The following PDSS2 variants were observed in gnomAD, a reference collection of about 807,000 sequenced individuals.
PDSS2 encodes decaprenyl diphosphate synthase subunit 2.
In PDSS2, 31 loss-of-function variants were observed where a neutral mutation model predicts 44.5. The ratio of observed to expected loss-of-function variants is 0.70; its 90% CI spans 0.52 to 0.94. The LOEUF (loss-of-function observed/expected upper bound fraction) is 0.94. Ranked by LOEUF, PDSS2 falls within the 40% of genes least tolerant of loss-of-function variation. The pLI, the probability that PDSS2 is intolerant of heterozygous loss-of-function variation, is 0.00. For missense variants in PDSS2, 452 were observed against 482.2 expected (o/e 0.94, Z 0.59); for synonymous variants, 157 against 180.3 (o/e 0.87, Z 1.03).
intron 7 of PDSS2, among the ~76,000 whole-genome samples, chr6:107,170,433 G>A (rs1582730277): frequency 1.3e-5 from 2 of 152,284 alleles, no homozygotes; most frequent in African/African-American, 4.8e-5. Flanking sequence ...CCTGGGTGAG[G>A]CAATGCCGCA....
chr6:107,243,512 T>C (rs1774510796), intron 4 of PDSS2, among the ~76,000 whole-genome samples: 1 of 152,194 alleles, frequency 6.6e-6, no homozygotes, highest in Admixed American at 6.5e-5. Flanking sequence ...CATGTAAAAA[T>C]TAACATATTT....
chr6:107,256,509 G>GT (rs1775027307), intron 3 of PDSS2, among the ~76,000 whole-genome samples: 3 of 152,098 alleles, frequency 2.0e-5, no homozygotes, highest in Non-Finnish European at 4.4e-5. Context: ...GTAATTCAGA[G>GT]ACATCCCAAG....
intron 2 of PDSS2, among the ~76,000 whole-genome samples, chr6:107,282,159 G>A (rs1775983675): frequency 6.6e-6 from 1 of 152,148 alleles, no homozygotes; most frequent in South Asian, 2.1e-4. Flanking sequence ...ACCCGCCTTG[G>A]CCTCCTAAAG....
At position 107,445,136 on chromosome 6, in the gene PDSS2, C is replaced by T. The variant is rs9486620; in HGVS notation, c.296+13854G>A. Among the ~76,000 whole-genome samples, 600 of 151,620 alleles carry T rather than the reference C, an allele frequency of 4.0e-3. 8 individuals carry two copies. Among genetic ancestry groups the T allele is most frequent in the African/African-American group, 0.014 (569 of 41,350 alleles). On this transcript the variant is annotated intron_variant, in intron 1 of 7. Transcript: ENST00000369037. The stretch of plus-strand genomic sequence containing the variant: ...AGTACTTAAATTTTAGTGATTTATA[C>T]AGAAATTTAAGTAACGAAAATTTAT...
intron 4 of PDSS2, among the ~76,000 whole-genome samples, chr6:107,219,283 G>A (rs1055556018): frequency 2.0e-5 from 3 of 151,868 alleles, no homozygotes; most frequent in Non-Finnish European, 2.9e-5. Context: ...TCACACTTGC[G>A]TGAATTTATT....
chr6:107,354,414 C>T (rs2448080), intron 1 of PDSS2, among the ~76,000 whole-genome samples: 146,614 of 152,340 alleles, frequency 0.96, 70,795 homozygotes, highest in East Asian at 1. Flanking sequence ...GGCAAAATTG[C>T]TGTTTAAAAA....
At chr6:107,157,470 G>A (rs1403508325) in intron 7 of PDSS2, among the ~76,000 whole-genome samples, 4 of 151,764 alleles carry the variant, frequency 2.6e-5, no homozygotes, top group Admixed American at 6.6e-5. Flanking sequence ...TTAATTATAG[G>A]GGAACCAACT....
At chr6:107,170,733 C>T (rs1197584898) in intron 7 of PDSS2, among the ~76,000 whole-genome samples, 1 of 152,050 alleles carries the variant, frequency 6.6e-6, no homozygotes, top group African/African-American at 2.4e-5. Context: ...TTGCCTCAGC[C>T]TCCTGGGTAG....
chr6:107,333,065 T>C (rs987082316), intron 2 of PDSS2, among the ~76,000 whole-genome samples: 1 of 152,212 alleles, frequency 6.6e-6, no homozygotes, highest in Non-Finnish European at 1.5e-5. Flanking sequence ...AAAACATTTA[T>C]GGACAAGACC....
At chr6:107,266,853 G>C (rs996353584) in intron 3 of PDSS2, among the ~76,000 whole-genome samples, 6 of 152,130 alleles carry the variant, frequency 3.9e-5, no homozygotes, top group Non-Finnish European at 7.3e-5. Context: ...GATTTCACAG[G>C]CTGTGAATCT....
At chr6:107,455,290 C>T (rs1184897087) in intron 1 of PDSS2, among the ~76,000 whole-genome samples, 1 of 150,170 alleles carries the variant, frequency 6.7e-6, no homozygotes, top group African/African-American at 2.5e-5. Context: ...ACTAAGTAGA[C>T]GAACTACGGT....
chr6:107,213,002 C>T (rs1773279010), intron 4 of PDSS2, among the ~76,000 whole-genome samples: 1 of 151,932 alleles, frequency 6.6e-6, no homozygotes, highest in East Asian at 2.0e-4. Flanking sequence ...AAGACCCTGT[C>T]TCTTTCTCTC....
At position 107,153,734 on chromosome 6, in the gene PDSS2, A is replaced by G. The variant is rs939379311; in HGVS notation, c.*885T>C. ...TTTTCGGCAATTTCTCCAAAAAGAC[A>G]TTATAAAAACCATAAAGCACAAAGT... On this transcript the variant is annotated 3_prime_UTR_variant, in exon 8 of 8. Transcript: ENST00000369037. The G allele has an allele frequency of 7.2e-5, 11 of 152,790 alleles. No individual in the cohort carries two copies. Among genetic ancestry groups the G allele is most frequent in the African/African-American group, 2.6e-4 (11 of 41,592 alleles). The allele number at this position is 152,790 out of a possible 1,614,324, so 9.5% of individuals were successfully genotyped here. A position where few individuals can be genotyped will look rare whatever the true frequency, so the allele number is the denominator to read the frequency against.
At chr6:107,181,965 A>G (rs2114460569) in intron 7 of PDSS2, among the ~76,000 whole-genome samples, 1 of 152,246 alleles carries the variant, frequency 6.6e-6, no homozygotes, top group South Asian at 2.1e-4. Flanking sequence ...GATGCTTATC[A>G]TTAAAATCAT....
intron 2 of PDSS2, among the ~76,000 whole-genome samples, chr6:107,332,564 A>G (rs1777746825): frequency 6.6e-6 from 1 of 152,142 alleles, no homozygotes; most frequent in Admixed American, 6.5e-5. Flanking sequence ...CTGATCTATA[A>G]CTGAAATACA....
intron 1 of PDSS2, among the ~76,000 whole-genome samples, chr6:107,451,286 T>C (rs568883577): frequency 6.6e-6 from 1 of 152,316 alleles, no homozygotes; most frequent in East Asian, 1.9e-4. Context: ...AATTGGTACA[T>C]AGTAGTATCC....
At position 107,258,373 on chromosome 6, in the gene PDSS2, TACA is replaced by T. The variant is rs1775095494; in HGVS notation, c.631-12757_631-12755del. 2.1e-5 allele frequency among the ~76,000 whole-genome samples: 3 copies of T among 141,440 alleles called. No individual in the cohort carries two copies. In the South Asian group the frequency reaches 6.6e-4, roughly 31 times the overall value. The allele number at this position is 141,440 out of a possible 152,430, so 92.8% of individuals were successfully genotyped here. Reference sequence around the variant, plus strand: ...TAAGATGCAAGTTTAGACTCTTTCCTACAACATCTACAACATTTGGAACCATAG... The same window carrying T: ...TAAGATGCAAGTTTAGACTCTTTCCTACATCTACAACATTTGGAACCATAG... On this transcript the variant is annotated intron_variant, in intron 3 of 7. Coordinates refer to ENST00000369037, the MANE Select transcript of PDSS2 (RefSeq NM_020381.4).
At chr6:107,405,846 CAAAA>C (rs1301868631) in intron 1 of PDSS2, among the ~76,000 whole-genome samples, 22 of 56,804 alleles carry the variant, frequency 3.9e-4, no homozygotes, top group African/African-American at 1.2e-3. Context: ...GACTCCGTCT[CAAAA>C]AAAAAAAAAA....
In PDSS2 at chr6:107,382,667, C is replaced by T. The variant is rs139452278; in HGVS notation, c.297-48335G>A. On this transcript the variant is annotated intron_variant, in intron 1 of 7. Transcript: ENST00000369037. ...AGCCTGGACAACATAGTGAGACTCC[C>T]TCTCTACAAAAAATAAAAAATTAGC... Among the ~76,000 whole-genome samples the T allele has an allele frequency of 4.2e-4, 64 of 152,082 alleles. No homozygotes were observed. In the East Asian group the frequency reaches 0.011, roughly 27 times the overall value.
Sources: gnomAD v4.1 joint callset for allele counts (sites outside exome capture counted in the v4.1 genomes callset) on GRCh38, gnomAD v4.1.1 for gene constraint, MANE v1.5 for transcripts, NCBI Gene and HGNC (gene_info 2026-07-23, HGNC 2026-07-21) for gene names.